The following ZNF568 variants were observed in gnomAD, a reference collection of about 807,000 sequenced individuals.
The protein encoded by ZNF568 is p53 inhibitor of SCO2 activation.
Under a neutral mutation model 18.1 loss-of-function variants are expected in ZNF568, and 11 were observed. The observed-to-expected ratio is 0.61, with a 90% CI of 0.38 to 1.00. ZNF568 has a LOEUF of 1.00. Ranked by LOEUF, ZNF568 falls within the 50% of genes least tolerant of loss-of-function variation. The pLI is 0.01. For missense variants in ZNF568, 639 were observed against 768.2 expected (o/e 0.83, Z 1.99); for synonymous variants, 213 against 246.6 (o/e 0.86, Z 1.28).
downstream of ZNF568, among the ~76,000 whole-genome samples, chr19:36,957,465 C>T (rs771604950): frequency 1.3e-5 from 2 of 152,086 alleles, no homozygotes; most frequent in Non-Finnish European, 2.9e-5. Flanking sequence ...CTCCTGACCT[C>T]AGGTGATCCG....
chr19:36,991,720 A>C, intron 3 of ZNF568: 1 of 1,517,738 alleles, frequency 6.6e-7, no homozygotes. Context: ...GACACCCACA[A>C]CAAAACCTTG....
chr19:36,963,996 G>GA (rs1249087824), intron 6 of ZNF568, among the ~76,000 whole-genome samples: 1 of 117,654 alleles, frequency 8.5e-6, no homozygotes, highest in East Asian at 3.0e-4. Context: ...TGGGGGGAGG[G>GA]ACGGAGGGAG....
intron 6 of ZNF568, among the ~76,000 whole-genome samples, chr19:36,943,650 C>T (rs1953863038): frequency 6.6e-6 from 1 of 152,134 alleles, no homozygotes; most frequent in Admixed American, 6.5e-5. Flanking sequence ...TCTTAGCTCA[C>T]TGCAACATCC....
At chr19:36,987,143 G>C (rs1243470520) in intron 2 of ZNF568, among the ~76,000 whole-genome samples, 2 of 152,216 alleles carry the variant, frequency 1.3e-5, no homozygotes, top group Admixed American at 1.3e-4. Flanking sequence ...TTGTCCTTGA[G>C]ATGCAGTGTG....
At chr19:36,972,901 C>G (rs1356292646) in intron 6 of ZNF568, among the ~76,000 whole-genome samples, 3 of 152,266 alleles carry the variant, frequency 2.0e-5, no homozygotes, top group African/African-American at 7.2e-5. Context: ...GGCCCGGCCG[C>G]CCCTTCCCGG....
intron 6 of ZNF568, among the ~76,000 whole-genome samples, chr19:36,969,198 T>C (rs190173752): frequency 3.3e-5 from 5 of 152,056 alleles, no homozygotes; most frequent in Admixed American, 3.3e-4. Context: ...CTTCTGGAGA[T>C]TTGAAACTTG....
chr19:36,955,027 C>T (rs1278286110), downstream of ZNF568, among the ~76,000 whole-genome samples: 1 of 151,782 alleles, frequency 6.6e-6, no homozygotes, highest in Admixed American at 6.6e-5. Context: ...CTACAAGCTC[C>T]CGCCACCATG....
chr19:36,936,018 C>T (rs1163475974), intron 4 of ZNF568, among the ~76,000 whole-genome samples: 1 of 151,906 alleles, frequency 6.6e-6, no homozygotes, highest in Admixed American at 6.6e-5. Flanking sequence ...TTCCATATGT[C>T]TCATGTCATT....
At chr19:36,917,402 AGAG>A (rs1343616835) in intron 1 of ZNF568, among the ~76,000 whole-genome samples, 174 bp from the exon 2 acceptor site, 3 of 152,248 alleles carry the variant, frequency 2.0e-5, no homozygotes, top group East Asian at 3.8e-4. Flanking sequence ...ATAATCTATT[AGAG>A]GGTGTGAGGA....
chr19:36,933,899 G>T (rs1311148), intron 4 of ZNF568, among the ~76,000 whole-genome samples: 1,567 of 21,144 alleles, frequency 0.074, 174 homozygotes, highest in African/African-American at 0.17. Flanking sequence ...TTTTGGGTAG[G>T]TTTTTTTTTT....
At chr19:36,987,708 G>T (rs1020045934) in intron 2 of ZNF568, among the ~76,000 whole-genome samples, 3 of 152,028 alleles carry the variant, frequency 2.0e-5, no homozygotes, top group African/African-American at 7.2e-5. Flanking sequence ...TCCTGACAGT[G>T]GGGAAGTTGT....
chr19:36,988,582 G>T (rs780605443), intron 2 of ZNF568, among the ~76,000 whole-genome samples: 4 of 152,120 alleles, frequency 2.6e-5, no homozygotes, highest in Non-Finnish European at 4.4e-5. Flanking sequence ...CAACAAGGGG[G>T]TGGTACTAAG....
At chr19:36,932,318 A>G (rs527345866) in intron 4 of ZNF568, among the ~76,000 whole-genome samples, 1 of 152,238 alleles carries the variant, frequency 6.6e-6, no homozygotes, top group South Asian at 2.1e-4. Flanking sequence ...GCCGAGTGCA[A>G]TGGCTCATGC....
At chr19:36,939,965 T>TTGG (rs2073854284) in intron 6 of ZNF568, among the ~76,000 whole-genome samples, 1 of 152,224 alleles carries the variant, frequency 6.6e-6, no homozygotes, top group African/African-American at 2.4e-5. Context: ...TTCACCCTTC[T>TTGG]TGGAAATGTC....
intron 3 of ZNF568, among the ~76,000 whole-genome samples, chr19:36,924,722 G>A (rs1309820458): frequency 2.7e-5 from 4 of 150,420 alleles, no homozygotes; most frequent in African/African-American, 9.7e-5. Flanking sequence ...TCCCAGCTAC[G>A]TGGGAGGCTG....
intron 6 of ZNF568, chr19:36,973,112 C>G (rs747427599): frequency 6.6e-6 from 1 of 152,366 alleles, no homozygotes; most frequent in Non-Finnish European, 1.5e-5. Flanking sequence ...TGGTGCGGTC[C>G]AGGCCCCGGG....
In ZNF568 at chr19:36,952,055, T is replaced by TTTTC. The variant is rs1491387376; in HGVS notation, c.*967_*968insTTTC. 137 of 951,816 alleles carry TTTTC rather than the reference T, an allele frequency of 1.4e-4. No homozygotes were observed. The highest frequency in any genetic ancestry group is 2.0e-4 in the South Asian group (4 of 20,328). The allele number at this position is 951,816 out of a possible 1,614,324, so 59.0% of individuals were successfully genotyped here. A position where few individuals can be genotyped will look rare whatever the true frequency, so the allele number is the denominator to read the frequency against. On this transcript the variant is annotated 3_prime_UTR_variant, in exon 7 of 7. Transcript: ENST00000333987. Reference sequence around the variant, plus strand: ...CCAAGGAGCTTTTTTTTTTTTTTTTTCAAGACAAAAGGACTCTGTAATTCC... The same window carrying TTTTC: ...CCAAGGAGCTTTTTTTTTTTTTTTTTTTTCCAAGACAAAAGGACTCTGTAATTCC...
chr19:36,986,100 C>T (rs1003246259), intron 2 of ZNF568, among the ~76,000 whole-genome samples: 1 of 152,126 alleles, frequency 6.6e-6, no homozygotes, highest in African/African-American at 2.4e-5. Context: ...TTAGATCCAC[C>T]TTAGTATTGT....
chr19:36,962,473 T>C (rs1169638799), intron 6 of ZNF568, among the ~76,000 whole-genome samples: 1 of 151,816 alleles, frequency 6.6e-6, no homozygotes, highest in Admixed American at 6.6e-5. Context: ...CCCAAGTAGC[T>C]GGGATTAGAG....
Sources: gnomAD v4.1 joint callset for allele counts (sites outside exome capture counted in the v4.1 genomes callset) on GRCh38, gnomAD v4.1.1 for gene constraint, MANE v1.5 for transcripts, NCBI Gene and HGNC (gene_info 2026-07-23, HGNC 2026-07-21) for gene names.